The following QSOX1 variants were observed in gnomAD, a reference collection of about 807,000 sequenced individuals.
QSOX1 encodes the protein quiescin sulfhydryl oxidase 1.
A neutral mutation model predicts 76.1 loss-of-function variants in QSOX1; 40 were observed. That is an observed-to-expected ratio of 0.53 (90% CI 0.41 to 0.68). QSOX1 has a LOEUF of 0.68. Among genes scored for constraint, QSOX1 ranks in the 30% least tolerant of loss-of-function variants. QSOX1 has a pLI of 0.00. For missense variants in QSOX1, 931 were observed against 974.3 expected (o/e 0.96, Z 0.59); for synonymous variants, 392 against 413.1 (o/e 0.95, Z 0.62).
At chr1:180,159,013 C>T (rs894573212) in intron 1 of QSOX1, among the ~76,000 whole-genome samples, 1 of 152,208 alleles carries the variant, frequency 6.6e-6, no homozygotes, top group African/African-American at 2.4e-5. Flanking sequence ...GCCCTCCCTG[C>T]ACTTGTGAGT....
chr1:180,175,184 A>G, intron 2 of QSOX1, 137 bp from the exon 3 acceptor site: 1 of 802,220 alleles, frequency 1.2e-6, no homozygotes, highest in South Asian at 1.6e-5. Flanking sequence ...GAAAGAAAAA[A>G]GAAACAGGCT....
At chr1:180,175,810 C>A in intron 3 of QSOX1, 121 bp from the exon 4 acceptor site, 1 of 753,632 alleles carries the variant, frequency 1.3e-6, no homozygotes, top group Non-Finnish European at 2.3e-6. Context: ...GACGCCTCGT[C>A]TGTCTCTGTC....
chr1:180,182,025 C>T (rs550516835), intron 5 of QSOX1, 149 bp from the exon 6 acceptor site: 33 of 702,726 alleles, frequency 4.7e-5, no homozygotes, highest in South Asian at 4.1e-4. Flanking sequence ...GTATCTCTTG[C>T]GCATCAGTGT....
Position 180,159,595 on chromosome 1 carries a change from G to C in QSOX1, c.265+4423G>C, listed in dbSNP as rs149373808. 1.1e-3 allele frequency among the ~76,000 whole-genome samples: 161 copies of C among 152,344 alleles called. 4 individuals carry two copies. The East Asian group carries it at 0.029, about 27-fold the overall frequency. On this transcript the variant is annotated intron_variant, in intron 1 of 11. Coordinates refer to ENST00000367602, the MANE Select transcript of QSOX1 (RefSeq NM_002826.5). ...TATAGACAGAAAAAGGCTGAAGAAA[G>C]TAGAAACAGATCAAAAATCTGATTG...
At chr1:180,174,535 CCAAGTAAGGAG>C (rs1417995945) in intron 2 of QSOX1, among the ~76,000 whole-genome samples, 1 of 152,168 alleles carries the variant, frequency 6.6e-6, no homozygotes, top group Non-Finnish European at 1.5e-5. Flanking sequence ...GCCCCTTTTC[CCAAGTAAGGAG>C]CAAGGGCACA....
At chr1:180,176,906 G>A (rs17371678) in intron 4 of QSOX1, among the ~76,000 whole-genome samples, 8,167 of 152,262 alleles carry the variant, frequency 0.054, 325 homozygotes, top group Non-Finnish European at 0.083. Flanking sequence ...TCAGAGACAT[G>A]GCCCTGCTGA....
chr1:180,203,482 C>A lies in QSOX1; in HGVS notation c.*6445C>A, dbSNP rs1663675796. 1 of 152,192 alleles carries A rather than the reference C, an allele frequency of 6.6e-6. No homozygotes were observed. The highest frequency in any genetic ancestry group is 1.5e-5 in the Non-Finnish European group (1 of 68,038). The allele number at this position is 152,192 out of a possible 1,614,324, so 9.4% of individuals were successfully genotyped here. A position where few individuals can be genotyped will look rare whatever the true frequency, so the allele number is the denominator to read the frequency against. On this transcript the variant is annotated 3_prime_UTR_variant, in exon 12 of 12. Transcript: ENST00000367602. ...CCCCTGACAGTGAGTGTCTCAGTAGCCTCGCCCTAGTCCTGGCTTTCACTT... is the reference window on the plus strand; with the variant it reads ...CCCCTGACAGTGAGTGTCTCAGTAGACTCGCCCTAGTCCTGGCTTTCACTT...
intron 7 of QSOX1, among the ~76,000 whole-genome samples, chr1:180,185,420 G>A (rs1363381891): frequency 3.3e-5 from 5 of 152,210 alleles, no homozygotes; most frequent in Admixed American, 6.5e-5. Flanking sequence ...CAGCATGATG[G>A]GCCTGGGGCC....
intron 5 of QSOX1, among the ~76,000 whole-genome samples, chr1:180,180,729 A>T (rs1663009769): frequency 6.6e-6 from 1 of 152,046 alleles, no homozygotes; most frequent in Non-Finnish European, 1.5e-5. Flanking sequence ...GTTGGTAAGG[A>T]TGGTCTTGAT....
intron 9 of QSOX1, 66 bp from the exon 10 acceptor site, chr1:180,190,367 T>C: frequency 6.5e-7 from 1 of 1,530,216 alleles, no homozygotes; most frequent in East Asian, 2.3e-5. Flanking sequence ...TCCTAGAAGC[T>C]TCTGTCTCTG....
At chr1:180,163,653 T>C (rs1303086158) in intron 1 of QSOX1, among the ~76,000 whole-genome samples, 3 of 152,260 alleles carry the variant, frequency 2.0e-5, no homozygotes, top group Non-Finnish European at 4.4e-5. Context: ...AGAAATGATA[T>C]TTTATGAATA....
chr1:180,190,339 A>G, intron 9 of QSOX1, 94 bp from the exon 10 acceptor site: 1 of 1,405,068 alleles, frequency 7.1e-7, no homozygotes, highest in Non-Finnish European at 9.9e-7. Flanking sequence ...GAGGGACCTC[A>G]TTTGTCTTAG....
chr1:180,184,131 G>T, intron 7 of QSOX1, 81 bp downstream of exon 7: 4 of 1,505,098 alleles, frequency 2.7e-6, no homozygotes, highest in Non-Finnish European at 1.8e-6. Flanking sequence ...ACGCCCTCTT[G>T]CTCATTCTTC....
At chr1:180,176,534 CTG>C (rs1662897741) in intron 4 of QSOX1, among the ~76,000 whole-genome samples, 1 of 152,162 alleles carries the variant, frequency 6.6e-6, no homozygotes, top group African/African-American at 2.4e-5. Flanking sequence ...CCCTGGCTCT[CTG>C]TATGGCAGAG....
intron 2 of QSOX1, among the ~76,000 whole-genome samples, chr1:180,170,980 G>A (rs1184629827): frequency 1.3e-5 from 2 of 152,186 alleles, no homozygotes; most frequent in Non-Finnish European, 2.9e-5. Context: ...AGGGCAATGT[G>A]AGGTGAGTTT....
In QSOX1 at chr1:180,197,149, G is replaced by C; in HGVS notation, c.*112G>C. 1 of 1,502,508 alleles carries C rather than the reference G, an allele frequency of 6.7e-7. No homozygotes were observed. The highest frequency in any genetic ancestry group is 1.4e-5 in the African/African-American group (1 of 71,746). 93.1% of individuals were successfully genotyped at this position (1,502,508 alleles called of 1,614,324 possible). On this transcript the variant is annotated 3_prime_UTR_variant, in exon 12 of 12. Coordinates refer to ENST00000367602, the MANE Select transcript of QSOX1 (RefSeq NM_002826.5). Reference sequence around the variant, plus strand: ...GCTCCTTGTCTGGCCTAGAAGTGTGGGAAATTCAGGAAAACGAGTTGCTCC... The same window carrying C: ...GCTCCTTGTCTGGCCTAGAAGTGTGCGAAATTCAGGAAAACGAGTTGCTCC...
chr1:180,180,546 G>A (rs1310654885), intron 5 of QSOX1, among the ~76,000 whole-genome samples: 3 of 150,084 alleles, frequency 2.0e-5, no homozygotes, highest in Non-Finnish European at 3.0e-5. Context: ...ATGGAGTCTC[G>A]CTCTGTCGCC....
At chr1:180,182,878 G>T (rs60264347) in intron 6 of QSOX1, among the ~76,000 whole-genome samples, 1 of 152,194 alleles carries the variant, frequency 6.6e-6, no homozygotes, top group Admixed American at 6.5e-5. Context: ...GCCAGGCCCC[G>T]CAGGCAGGAG....
Position 180,189,641 on chromosome 1 carries a change from T to C in QSOX1, c.1107T>C (p.Ser369=). ...KRQKRNKIPY[S]FFKTALDDRK... ...AGAAGAGAAATAAAATTCCCTACAG[T>C]TTCTTTAAAACTGCCCTGGACGACA... Residue 369 remains serine, a synonymous_variant, in exon 9 of 12, where the codon AGT becomes AGC. Transcript: ENST00000367602. The C allele has an allele frequency of 8.7e-6, 14 of 1,613,142 alleles. No individual in the cohort carries two copies. The highest frequency in any genetic ancestry group is 9.3e-6 in the Non-Finnish European group (11 of 1,179,370).
Sources: gnomAD v4.1 joint callset for allele counts (sites outside exome capture counted in the v4.1 genomes callset) on GRCh38, gnomAD v4.1.1 for gene constraint, MANE v1.5 for transcripts, NCBI Gene and HGNC (gene_info 2026-07-23, HGNC 2026-07-21) for gene names.